Variants in DLG2 observed in about 807,000 individuals in gnomAD.
DLG2 encodes disks large homolog 2.
Under a neutral mutation model 132.5 loss-of-function variants are expected in DLG2, and 45 were observed. The ratio of observed to expected loss-of-function variants is 0.34; its 90% confidence interval spans 0.27 to 0.44. The LOEUF is 0.44. Ranked by LOEUF, DLG2 falls within the 20% of genes least tolerant of loss-of-function variation. The probability of loss-of-function intolerance (pLI) is 1.00; values close to 1 mark genes in which losing one functional copy is unlikely to be tolerated. For missense variants in DLG2, 1,045 were observed against 1,196.9 expected (o/e 0.87, Z 1.87); for synonymous variants, 424 against 419.6 (o/e 1.01, Z -0.13).
At chr11:85,497,400 C>T (rs1221605333) in intron 3 of DLG2, among the ~76,000 whole-genome samples, 2 of 151,726 alleles carry the variant, frequency 1.3e-5, no homozygotes, top group Non-Finnish European at 1.5e-5. Context: ...AAGAAAAGAA[C>T]AAAGCCTCCA....
rs531862686 is a variant in DLG2, at chr11:84,943,312, G to A, written c.357+168349C>T. ...CTGTCAATTTGTTATTTGTTTTTTG[G>A]TTGTTTTGTAGTCATCCTTTCCTTC... On this transcript the variant is annotated intron_variant, in intron 6 of 27. Coordinates refer to ENST00000376104, the MANE Select transcript of DLG2 (RefSeq NM_001142699.3). 1.6e-4 allele frequency among the ~76,000 whole-genome samples: 24 copies of A among 151,528 alleles called. No individual in the cohort carries two copies. In the South Asian group the frequency reaches 4.6e-3, roughly 29 times the overall value.
chr11:83,928,783 A>G (rs780547789), intron 15 of DLG2, among the ~76,000 whole-genome samples: 3 of 152,206 alleles, frequency 2.0e-5, no homozygotes, highest in Non-Finnish European at 4.4e-5. Flanking sequence ...TATTGTGAGG[A>G]TTAAGAGAAA....
In DLG2 at chr11:85,092,774, C is replaced by A. The variant is rs749275632; in HGVS notation, c.357+18887G>T. Among the ~76,000 whole-genome samples, 27 of 151,884 alleles carry A rather than the reference C, an allele frequency of 1.8e-4. 1 individual carries two copies. The highest frequency in any genetic ancestry group is 2.8e-4 in the Non-Finnish European group (19 of 68,000). On this transcript the variant is annotated intron_variant, in intron 6 of 27. Transcript: ENST00000376104. Reference sequence around the variant, plus strand: ...TCTCCTGCCTCAGCCTCCCAAGTAGCTGGGACTACAGGCATGCGCTGCCAC... The same window carrying A: ...TCTCCTGCCTCAGCCTCCCAAGTAGATGGGACTACAGGCATGCGCTGCCAC...
chr11:84,250,271 G>A lies in DLG2; in HGVS notation c.573+967C>T, dbSNP rs530999878. Among the ~76,000 whole-genome samples the A allele has an allele frequency of 4.9e-4, 75 of 152,264 alleles. No individual in the cohort carries two copies. In the South Asian group the frequency reaches 0.015, roughly 31 times the overall value. ...GCCATGTGCTTTCTATTCCCCACAG[G>A]CCCCACTCTGACTGCTCCATTTGTT... On this transcript the variant is annotated intron_variant, in intron 8 of 27. Transcript: ENST00000376104.
chr11:83,812,836 C>A (rs1480112718), intron 17 of DLG2, among the ~76,000 whole-genome samples: 2 of 152,110 alleles, frequency 1.3e-5, no homozygotes, highest in African/African-American at 4.8e-5. Context: ...TTTTATCTGG[C>A]AGGAGTTGCA....
At chr11:85,466,431 T>C (rs564978692) in intron 3 of DLG2, among the ~76,000 whole-genome samples, 131 of 152,342 alleles carry the variant, frequency 8.6e-4, no homozygotes, top group African/African-American at 3.0e-3. Flanking sequence ...TTCTAAGGTT[T>C]TATGGTTTTA....
At chr11:84,575,155 T>C (rs1481438249) in intron 6 of DLG2, among the ~76,000 whole-genome samples, 1 of 152,222 alleles carries the variant, frequency 6.6e-6, no homozygotes, top group Non-Finnish European at 1.5e-5. Flanking sequence ...TCACCGGCTT[T>C]GTAAACACCT....
At chr11:83,664,348 G>A (rs188973255) in intron 18 of DLG2, among the ~76,000 whole-genome samples, 44 of 152,182 alleles carry the variant, frequency 2.9e-4, no homozygotes, top group African/African-American at 9.6e-4. Context: ...TGTAAGCTTC[G>A]CGGTGTCTGA....
chr11:84,686,486 T>C (rs1319452459), intron 6 of DLG2, among the ~76,000 whole-genome samples: 1 of 152,170 alleles, frequency 6.6e-6, no homozygotes, highest in Non-Finnish European at 1.5e-5. Flanking sequence ...TCTGTTCTTA[T>C]ATTAAACACT....
chr11:85,539,808 G>A (rs906372602), intron 3 of DLG2, among the ~76,000 whole-genome samples: 1 of 152,166 alleles, frequency 6.6e-6, no homozygotes, highest in Non-Finnish European at 1.5e-5. Flanking sequence ...GCTAAGGCAA[G>A]AAATATAGAT....
chr11:84,542,905 A>G (rs534719155), intron 6 of DLG2, among the ~76,000 whole-genome samples: 5 of 111,906 alleles, frequency 4.5e-5, no homozygotes, highest in East Asian at 4.6e-4. Context: ...ACACTTTGAC[A>G]TTTACTTTTA....
At chr11:84,779,787 T>A (rs1262965394) in intron 6 of DLG2, among the ~76,000 whole-genome samples, 1 of 151,854 alleles carries the variant, frequency 6.6e-6, no homozygotes, top group Non-Finnish European at 1.5e-5. Flanking sequence ...AGGAAATGGA[T>A]AAATTTCTGG....
intron 4 of DLG2, among the ~76,000 whole-genome samples, chr11:85,270,517 A>C (rs2077465674): frequency 6.6e-6 from 1 of 152,182 alleles, no homozygotes; most frequent in South Asian, 2.1e-4. Flanking sequence ...GAAAATGAGG[A>C]AGTGACTTTG....
At chr11:83,996,629 T>C (rs2094041163) in intron 11 of DLG2, among the ~76,000 whole-genome samples, 1 of 152,176 alleles carries the variant, frequency 6.6e-6, no homozygotes, top group African/African-American at 2.4e-5. Context: ...TGGAGAACTA[T>C]TCAGCCACAA....
intron 7 of DLG2, among the ~76,000 whole-genome samples, chr11:84,352,779 A>G (rs1258123338): frequency 1.3e-5 from 2 of 152,214 alleles, no homozygotes; most frequent in African/African-American, 4.8e-5. Flanking sequence ...AAAACAGACA[A>G]TGTGGAACTT....
chr11:84,174,014 CTTTTT>C (rs11338428), intron 8 of DLG2, among the ~76,000 whole-genome samples: 23 of 61,202 alleles, frequency 3.8e-4, no homozygotes, highest in Admixed American at 7.9e-4. Context: ...ACCCCCCGGC[CTTTTT>C]TTTTTTTTTT....
intron 6 of DLG2, among the ~76,000 whole-genome samples, chr11:84,817,614 T>C (rs1307530220): frequency 6.6e-6 from 1 of 151,988 alleles, no homozygotes; most frequent in Non-Finnish European, 1.5e-5. Flanking sequence ...AGCTTATGAG[T>C]CTGGGAGAGA....
chr11:84,797,106 T>C (rs2074734217), intron 6 of DLG2, among the ~76,000 whole-genome samples: 1 of 152,052 alleles, frequency 6.6e-6, no homozygotes, highest in Non-Finnish European at 1.5e-5. Flanking sequence ...CTCAGCCTCC[T>C]AAAGTGCTGG....
At chr11:85,034,741 C>A (rs750828963) in intron 6 of DLG2, among the ~76,000 whole-genome samples, 1 of 152,080 alleles carries the variant, frequency 6.6e-6, no homozygotes. Flanking sequence ...AGTTTCAGGG[C>A]GATCCTGTGG....
Sources: gnomAD v4.1 joint callset for allele counts (sites outside exome capture counted in the v4.1 genomes callset) on GRCh38, gnomAD v4.1.1 for gene constraint, MANE v1.5 for transcripts, NCBI Gene and HGNC (gene_info 2026-07-23, HGNC 2026-07-21) for gene names.